The following IQCH variants were observed in gnomAD, a reference collection of about 807,000 sequenced individuals.
IQCH encodes IQ motif containing H.
Under a neutral mutation model 117.0 loss-of-function variants are expected in IQCH, and 98 were observed. The ratio of observed to expected loss-of-function variants is 0.84; its 90% CI spans 0.71 to 0.99. The LOEUF (loss-of-function observed/expected upper bound fraction) is 0.99, where lower values mean the gene tolerates loss of function less well. Ranked by LOEUF, IQCH falls within the 50% of genes least tolerant of loss-of-function variation. The pLI is 0.00. For synonymous variants in IQCH, 412 were observed against 448.2 expected, an observed-to-expected ratio of 0.92 and a Z score of 1.02; for missense variants, 1,102 against 1,243.8, an observed-to-expected ratio of 0.89 and a Z score of 1.72.
At position 67,254,831 on chromosome 15, in the gene IQCH, T is replaced by A. The variant is rs544092628; in HGVS notation, c.-66T>A. Reference sequence around the variant, plus strand: ...CGGTGTTGCCATGGGGACGAGCGGCTCCGGCTGAAGGTTTCCGTGCTTGGA... The same window carrying A: ...CGGTGTTGCCATGGGGACGAGCGGCACCGGCTGAAGGTTTCCGTGCTTGGA... On this transcript the variant is annotated 5_prime_UTR_variant, in exon 1 of 21. Transcript: ENST00000335894. 2.6e-6 allele frequency: 4 copies of A among 1,539,044 alleles called. No individual in the cohort carries two copies. The highest frequency in any genetic ancestry group is 2.7e-5 in the African/African-American group (2 of 72,738).
At position 67,500,358 on chromosome 15, in the gene IQCH, T is replaced by A. The variant is rs2083945366; in HGVS notation, c.2971-275T>A. Among the ~76,000 whole-genome samples, 1 of 152,148 alleles carries A rather than the reference T, an allele frequency of 6.6e-6. No individual in the cohort carries two copies. Among genetic ancestry groups the A allele is most frequent in the Non-Finnish European group, 1.5e-5 (1 of 68,010 alleles). On this transcript the variant is annotated intron_variant, in intron 20 of 20. Coordinates refer to ENST00000335894, the MANE Select transcript of IQCH (RefSeq NM_001031715.3). The surrounding 1 kb of genome is among the most constrained non-coding windows in gnomAD (Gnocchi z 4.4). ...AAATTTAATTACTAGAAAAATACGA[T>A]TAAAAAAATTAAAGATGTACAATTT...
Position 67,291,562 on chromosome 15 carries a change from G to T in IQCH, c.387+12050G>T, listed in dbSNP as rs574177756. ...AAGAATCTTTAATTTTGTGAATTTT[G>T]ATCTAATTAAGAAAGGTGATTTTCA... On this transcript the variant is annotated intron_variant, in intron 4 of 20. Transcript: ENST00000335894. 9.2e-5 allele frequency among the ~76,000 whole-genome samples: 14 copies of T among 152,250 alleles called. No homozygotes were observed. The South Asian group carries it at 2.9e-3, about 32-fold the overall frequency.
chr15:67,278,747 T>C (rs1051396225), intron 3 of IQCH, among the ~76,000 whole-genome samples: 2 of 152,254 alleles, frequency 1.3e-5, no homozygotes, highest in Admixed American at 1.3e-4. Flanking sequence ...TTGAGTTGTA[T>C]TGAGTTATTG....
chr15:67,284,635 C>T (rs982649126), intron 4 of IQCH, among the ~76,000 whole-genome samples: 8 of 152,132 alleles, frequency 5.3e-5, no homozygotes, highest in Non-Finnish European at 1.0e-4. Context: ...TCCAATAGGA[C>T]CCAGTGTGTG....
chr15:67,269,714 C>T (rs1449737965), intron 3 of IQCH, among the ~76,000 whole-genome samples: 4 of 147,106 alleles, frequency 2.7e-5, no homozygotes, highest in Admixed American at 2.0e-4. Flanking sequence ...TTTTTTTTAG[C>T]TCCCACATGT....
intron 14 of IQCH, among the ~76,000 whole-genome samples, chr15:67,400,581 C>T (rs1457867036): frequency 6.6e-6 from 1 of 150,740 alleles, no homozygotes; most frequent in Admixed American, 6.6e-5. Context: ...GCCTCCCTGG[C>T]TCAAGGGATC....
chr15:67,260,050 G>C (rs562446251), intron 1 of IQCH, among the ~76,000 whole-genome samples: 1 of 152,346 alleles, frequency 6.6e-6, no homozygotes, highest in Admixed American at 6.5e-5. Flanking sequence ...GGCTGGATCA[G>C]TGTTCAGTCC....
chr15:67,275,482 A>G lies in IQCH; in HGVS notation c.270-3913A>G, dbSNP rs541584289. Among the ~76,000 whole-genome samples the G allele has an allele frequency of 2.0e-5, 3 of 152,182 alleles. No homozygotes were observed. In the East Asian group the frequency reaches 5.8e-4, roughly 29 times the overall value. On this transcript the variant is annotated intron_variant, in intron 3 of 20. Coordinates refer to ENST00000335894, the MANE Select transcript of IQCH (RefSeq NM_001031715.3). ...GTATGTTTGTTTTTAGTTTTCTGTT[A>G]TGGGAGCATGAAGCCAGCTTGCTTC...
chr15:67,258,033 C>T (rs1231755362), intron 1 of IQCH, among the ~76,000 whole-genome samples: 1 of 151,656 alleles, frequency 6.6e-6, no homozygotes, highest in Non-Finnish European at 1.5e-5. Context: ...AATTCAAGAC[C>T]AGCCTGGCCA....
intron 4 of IQCH, among the ~76,000 whole-genome samples, chr15:67,308,470 G>T (rs902690390): frequency 6.6e-6 from 1 of 152,088 alleles, no homozygotes. Flanking sequence ...AAAGGAAATA[G>T]CTTTAAAGAC....
chr15:67,440,320 A>G (rs1172684979), intron 16 of IQCH, among the ~76,000 whole-genome samples: 2 of 152,232 alleles, frequency 1.3e-5, no homozygotes, highest in Non-Finnish European at 2.9e-5. Context: ...TCCTTTTGAC[A>G]CTATTCCACA....
At chr15:67,292,623 GA>G in intron 4 of IQCH, among the ~76,000 whole-genome samples, 1 of 152,178 alleles carries the variant, frequency 6.6e-6, no homozygotes, top group African/African-American at 2.4e-5. Context: ...CCATCACTTA[GA>G]TTGAACAATT....
chr15:67,282,363 A>C (rs1324981258), intron 4 of IQCH: 4 of 151,926 alleles, frequency 2.6e-5, no homozygotes, highest in Non-Finnish European at 5.9e-5. Context: ...GGAAAAAAAA[A>C]AACAACTATG....
intron 4 of IQCH, among the ~76,000 whole-genome samples, chr15:67,335,417 T>C (rs1189333453): frequency 2.0e-5 from 3 of 152,226 alleles, no homozygotes; most frequent in African/African-American, 7.2e-5. Flanking sequence ...TTTATTTAAG[T>C]TGAATCTTTC....
chr15:67,483,707 C>G (rs1158514737), intron 18 of IQCH, among the ~76,000 whole-genome samples: 1 of 152,086 alleles, frequency 6.6e-6, no homozygotes, highest in Non-Finnish European at 1.5e-5. Flanking sequence ...GGCAACAAAG[C>G]CTGGAGTTCA....
intron 16 of IQCH, among the ~76,000 whole-genome samples, chr15:67,434,559 A>G (rs1033003172): frequency 7.9e-5 from 12 of 152,204 alleles, no homozygotes; most frequent in Admixed American, 6.5e-4. Flanking sequence ...TAATGCTGCA[A>G]TGGACACGGC....
intron 12 of IQCH, among the ~76,000 whole-genome samples, chr15:67,392,321 G>A (rs1186407784): frequency 2.0e-5 from 3 of 152,114 alleles, no homozygotes; most frequent in African/African-American, 7.2e-5. Context: ...TCTTTTACAT[G>A]TCTTCATTGG....
At chr15:67,319,292 CA>C (rs1567092815) in intron 4 of IQCH, among the ~76,000 whole-genome samples, 1 of 152,116 alleles carries the variant, frequency 6.6e-6, no homozygotes, top group Non-Finnish European at 1.5e-5. Flanking sequence ...TGACAATCCT[CA>C]TTACAAGAAA....
chr15:67,308,152 A>G (rs117553999), intron 4 of IQCH, among the ~76,000 whole-genome samples: 1,851 of 152,268 alleles, frequency 0.012, 17 homozygotes, highest in Middle Eastern at 0.044. Context: ...CCCTCTGCCC[A>G]CAAGTAAAAT....
Sources: gnomAD v4.1 joint callset for allele counts (sites outside exome capture counted in the v4.1 genomes callset) on GRCh38, gnomAD v4.1.1 for gene constraint, Gnocchi (gnomAD v3.1) non-coding constraint, MANE v1.5 for transcripts, NCBI Gene and HGNC (gene_info 2026-07-23, HGNC 2026-07-21) for gene names.